RTKN: variants seen among roughly 807,000 people sequenced by gnomAD.
The protein encoded by RTKN is rhotekin.
A neutral mutation model predicts 63.5 loss-of-function variants in RTKN; 49 were observed. The ratio of observed to expected loss-of-function variants is 0.77; its 90% CI spans 0.61 to 0.98. The LOEUF (loss-of-function observed/expected upper bound fraction) is 0.98. RTKN is among the 50% of genes least tolerant of loss of function. The pLI is 0.00. For synonymous variants in RTKN, 295 were observed against 290.4 expected (o/e 1.02, Z -0.16); for missense variants, 685 against 740.8 (o/e 0.92, Z 0.87).
intron 1 of RTKN, among the ~76,000 whole-genome samples, chr2:74,437,147 A>G (rs962717265): frequency 1.3e-5 from 2 of 152,226 alleles, no homozygotes; most frequent in Non-Finnish European, 2.9e-5. Flanking sequence ...GGACTTGACA[A>G]GCCCACAGAA....
At chr2:74,435,221 T>C (rs1280029527) in intron 1 of RTKN, among the ~76,000 whole-genome samples, 2 of 152,164 alleles carry the variant, frequency 1.3e-5, no homozygotes, top group African/African-American at 4.8e-5. Context: ...GGAACATTCA[T>C]TTAGAAAGGA....
intron 1 of RTKN, among the ~76,000 whole-genome samples, chr2:74,438,337 C>G (rs571325760): frequency 5.3e-5 from 8 of 152,274 alleles, no homozygotes; most frequent in African/African-American, 1.9e-4. Flanking sequence ...CTCCCTTTCT[C>G]CACCATGAGC....
At chr2:74,440,176 G>A (rs188449208) in intron 1 of RTKN, 48 of 398,162 alleles carry the variant, frequency 1.2e-4, no homozygotes, top group Non-Finnish European at 3.5e-6. Flanking sequence ...TCCCGAGAGG[G>A]GTTCCAGCTT....
At chr2:74,432,405 T>C in intron 2 of RTKN, 62 bp downstream of exon 2, 1 of 1,489,038 alleles carries the variant, frequency 6.7e-7, no homozygotes, top group Non-Finnish European at 9.3e-7. Flanking sequence ...ACGCACATGC[T>C]GCACCACCAC....
At chr2:74,427,779 G>A (rs1670491883) in intron 9 of RTKN, 187 bp from the exon 10 acceptor site, 1 of 604,238 alleles carries the variant, frequency 1.7e-6, no homozygotes, top group Non-Finnish European at 2.9e-6. Context: ...CCAGTCCTGA[G>A]TCAGGGGAGG....
intron 1 of RTKN, among the ~76,000 whole-genome samples, chr2:74,438,446 C>G (rs1671173664): frequency 6.6e-6 from 1 of 152,166 alleles, no homozygotes; most frequent in Admixed American, 6.5e-5. Flanking sequence ...AACCCTCCAC[C>G]CCCAACCCTA....
intron 1 of RTKN, chr2:74,439,488 G>A (rs1671230544): frequency 1.9e-6 from 3 of 1,567,144 alleles, no homozygotes; most frequent in African/African-American, 2.7e-5. Context: ...GGAATGGGCA[G>A]GGCAGAGATT....
At position 74,426,530 on chromosome 2, in the gene RTKN, T is replaced by C. The variant is rs952095445; in HGVS notation, c.1405A>G (p.Thr469Ala). Residue 469 changes from threonine to alanine, a missense_variant, in exon 12 of 12, where the codon ACC (threonine) becomes GCC (alanine). By Grantham distance (58) the Thr-to-Ala change is moderately conservative. Transcript: ENST00000272430. Reference protein sequence around the residue: ...DDIAAVTDILTQREGARLETP... With the variant: ...DDIAAVTDILAQREGARLETP... Reference sequence around the variant, plus strand: ...TCCAGCCTTGCGCCCTCCCGCTGGGTCAGGATGTCTGTCACCGCTGCGATG... The same window carrying C: ...TCCAGCCTTGCGCCCTCCCGCTGGGCCAGGATGTCTGTCACCGCTGCGATG... 11 of 1,550,036 alleles carry C rather than the reference T, an allele frequency of 7.1e-6. No individual in the cohort carries two copies. The highest frequency in any genetic ancestry group is 8.7e-6 in the Non-Finnish European group (10 of 1,145,986).
chr2:74,438,644 T>C (rs1372001284), intron 1 of RTKN, among the ~76,000 whole-genome samples: 5 of 152,198 alleles, frequency 3.3e-5, no homozygotes, highest in African/African-American at 1.2e-4. Flanking sequence ...CCAACTACTA[T>C]ATTCCAGCCA....
In RTKN at chr2:74,441,879, C is replaced by T; in HGVS notation, c.-63G>A. 4 of 1,003,462 alleles carry T rather than the reference C, an allele frequency of 4.0e-6. No homozygotes were observed. Among genetic ancestry groups the T allele is most frequent in the Non-Finnish European group, 6.1e-6 (4 of 656,144 alleles). 62.2% of individuals were successfully genotyped at this position (1,003,462 alleles called of 1,614,324 possible). The stretch of plus-strand genomic sequence containing the variant: ...CCCGCGCCGCCCGGCTTAGCCTCCT[C>T]TCCTCGGCTTCTGTCTCTCGACGCT... On this transcript the variant is annotated 5_prime_UTR_variant, in exon 1 of 12. Transcript: ENST00000272430.
chr2:74,437,191 G>A (rs1558550218), intron 1 of RTKN, among the ~76,000 whole-genome samples: 2 of 152,208 alleles, frequency 1.3e-5, no homozygotes, highest in Non-Finnish European at 2.9e-5. Flanking sequence ...GTAAAATGGG[G>A]AGTATTCCAC....
intron 1 of RTKN, among the ~76,000 whole-genome samples, chr2:74,439,224 T>C (rs1010895757): frequency 6.6e-6 from 1 of 152,248 alleles, no homozygotes; most frequent in African/African-American, 2.4e-5. Flanking sequence ...GGCTACATCC[T>C]TTCTGTAAAC....
chr2:74,428,637 C>A lies in RTKN; in HGVS notation c.951G>T (p.Arg317Ser), dbSNP rs775342582. ...CTCCTCAGGGCCCCCTCACCTGCAC[C>A]CTGAGGGTACCACTTGCAGTGGGCT... ...MTQPTASGTLRVQQAGEMQNW... is the reference protein window; with the variant it reads ...MTQPTASGTLSVQQAGEMQNW... Residue 317 changes from arginine (R) to serine (S), a missense_variant, in exon 8 of 12, where the codon AGG becomes AGT. Transcript: ENST00000272430. 1.2e-6 allele frequency: 2 copies of A among 1,613,114 alleles called. No individual in the cohort carries two copies. The highest frequency in any genetic ancestry group is 1.7e-5 in the Admixed American group (1 of 59,922).
chr2:74,438,404 C>G (rs1671171018), intron 1 of RTKN, among the ~76,000 whole-genome samples: 1 of 152,142 alleles, frequency 6.6e-6, no homozygotes, highest in South Asian at 2.1e-4. Context: ...AAACAGCCTC[C>G]CACCTGGTGG....
In RTKN at chr2:74,428,703, G is replaced by C; in HGVS notation, c.885C>G (p.Ser295Arg). Residue 295 changes from serine to arginine, a missense_variant, in exon 8 of 12, where the codon AGC (serine) becomes AGG (arginine). Physicochemically the swap from Ser to Arg is moderately radical, Grantham distance 110. Coordinates refer to ENST00000272430, the MANE Select transcript of RTKN (RefSeq NM_001015055.2). ...ENPAWLPLYG[S>R]VCCRLAAQPL... ...GCTGAGCTGCCAGACGGCAACACACGCTACCATAAAGGGGCAGCCAGGCAG... is the reference window on the plus strand; with the variant it reads ...GCTGAGCTGCCAGACGGCAACACACCCTACCATAAAGGGGCAGCCAGGCAG... The C allele has an allele frequency of 1.2e-6, 2 of 1,614,002 alleles. No homozygotes were observed. Among genetic ancestry groups the C allele is most frequent in the Non-Finnish European group, 1.7e-6 (2 of 1,179,974 alleles).
rs924535414 is a variant in RTKN at position 74,436,270 on chromosome 2, C to T, written c.112-3604G>A. 2.0e-5 allele frequency among the ~76,000 whole-genome samples: 3 copies of T among 152,260 alleles called. No individual in the cohort carries two copies. The highest frequency in any genetic ancestry group is 2.0e-4 in the Admixed American group (3 of 15,288). On this transcript the variant is annotated intron_variant, in intron 1 of 11. Transcript: ENST00000272430. The surrounding 1 kb of genome is among the most constrained non-coding windows in gnomAD (Gnocchi z 4.3). ...AGAGAGCTGCACTGGCCTGGGGAGC[C>T]GGCTGGGTCCGAGGGCCGCGGGAAA...
intron 4 of RTKN, 23 bp downstream of exon 4, chr2:74,430,442 G>A: frequency 6.2e-7 from 1 of 1,613,808 alleles, no homozygotes; most frequent in South Asian, 1.1e-5. Context: ...CCCTGAATTT[G>A]TCCCAGGGTG....
intron 2 of RTKN, 95 bp from the exon 3 acceptor site, chr2:74,430,772 CT>C: frequency 7.9e-7 from 1 of 1,259,500 alleles, no homozygotes; most frequent in Non-Finnish European, 1.1e-6. Context: ...ATCCCAGCGC[CT>C]CAGCCACCAG....
At chr2:74,426,984 T>C (rs1263732782) in intron 11 of RTKN, 185 bp downstream of exon 11, 3 of 985,196 alleles carry the variant, frequency 3.0e-6, no homozygotes, top group Non-Finnish European at 3.6e-6. Flanking sequence ...TGAACTTTGG[T>C]GGAGGTGGTT....
Sources: allele counts gnomAD v4.1 joint callset (sites outside exome capture counted in the v4.1 genomes callset), GRCh38; gene constraint gnomAD v4.1.1; non-coding constraint Gnocchi (gnomAD v3.1); transcripts MANE v1.5; gene names NCBI Gene and HGNC (gene_info 2026-07-23, HGNC 2026-07-21).